Variants in SH3KBP1 observed in about 807,000 individuals in gnomAD.
SH3KBP1 encodes SH3 domain containing kinase binding protein 1.
A neutral mutation model predicts 50.1 loss-of-function variants in SH3KBP1; 8 were observed. The ratio of observed to expected loss-of-function variants is 0.16; its 90% CI spans 0.09 to 0.29. The LOEUF is 0.29. Among genes scored for constraint, SH3KBP1 ranks in the 10% least tolerant of loss-of-function variants. The probability of loss-of-function intolerance (pLI) is 1.00; values close to 1 mark genes in which losing one functional copy is unlikely to be tolerated. For missense variants in SH3KBP1, 377 were observed against 535.2 expected (o/e 0.70, Z 2.92); for synonymous variants, 227 against 218.6 (o/e 1.04, Z -0.34).
In SH3KBP1 at chrX:19,588,275, C is replaced by T. The variant is rs1012671892; in HGVS notation, c.1298+368G>A. ...CACATGAGATATACATACTTGAGGC[C>T]GGCACAACATCCAGGGGGACAAAGA... On this transcript the variant is annotated intron_variant, in intron 12 of 17. Coordinates refer to ENST00000397821, the MANE Select transcript of SH3KBP1 (RefSeq NM_031892.3). 4.7e-5 allele frequency: 46 copies of T among 980,906 alleles called. No individual in the cohort carries two copies. The Middle Eastern group carries it at 1.2e-3, about 25-fold the overall frequency. 80.8% of individuals were successfully genotyped at this position (980,906 alleles called of 1,213,427 possible).
intron 13 of SH3KBP1, among the ~76,000 whole-genome samples, chrX:19,562,263 C>T (rs1040910753): frequency 2.7e-5 from 3 of 111,692 alleles, no homozygotes; most frequent in Non-Finnish European, 5.6e-5. Flanking sequence ...GTAGACTGTA[C>T]ATTCCTCTGG....
chrX:19,827,133 C>T (rs990368473), intron 2 of SH3KBP1, among the ~76,000 whole-genome samples: 6 of 111,704 alleles, frequency 5.4e-5, no homozygotes, highest in Non-Finnish European at 1.9e-5. Flanking sequence ...TCTAAAACAC[C>T]TAGCAAATGA....
chrX:19,684,354 T>C (rs760324173), intron 5 of SH3KBP1, among the ~76,000 whole-genome samples: 2 of 112,038 alleles, frequency 1.8e-5, no homozygotes, highest in Non-Finnish European at 3.8e-5. Flanking sequence ...TCCCATAGCC[T>C]GTGCAATAGC....
At chrX:19,841,820 T>C (rs955239572) in intron 1 of SH3KBP1, among the ~76,000 whole-genome samples, 1 of 100,493 alleles carries the variant, frequency 1.0e-5, no homozygotes, top group Non-Finnish European at 2.0e-5. Flanking sequence ...TCTCCTAAAT[T>C]ATGGTCCACT....
At position 19,786,570 on chromosome X, in the gene SH3KBP1, G is replaced by T. The variant is rs757450026; in HGVS notation, c.163-40129C>A. 2.6e-4 allele frequency among the ~76,000 whole-genome samples: 29 copies of T among 111,694 alleles called. 1 individual carries two copies. The highest frequency in any genetic ancestry group is 5.1e-4 in the Non-Finnish European group (27 of 53,085). ...AGGCAAAGCACTAAGTCAATTTAAG[G>T]GTAGCAACAGTGTGACCAAATACTA... On this transcript the variant is annotated intron_variant, in intron 2 of 17. Transcript: ENST00000397821.
intron 3 of SH3KBP1, among the ~76,000 whole-genome samples, chrX:19,734,755 C>T (rs1435295942): frequency 8.9e-6 from 1 of 112,070 alleles, no homozygotes; most frequent in Non-Finnish European, 1.9e-5. Flanking sequence ...TTATTCCGCA[C>T]GTTCATATCA....
At chrX:19,778,896 C>T (rs183097380) in intron 2 of SH3KBP1, among the ~76,000 whole-genome samples, 56 of 110,024 alleles carry the variant, frequency 5.1e-4, no homozygotes, top group Admixed American at 1.4e-3. Flanking sequence ...TCTATTTCAC[C>T]GCTGCTCAGT....
At chrX:19,721,894 C>T (rs1452080194) in intron 3 of SH3KBP1, among the ~76,000 whole-genome samples, 2 of 110,618 alleles carry the variant, frequency 1.8e-5, no homozygotes, top group South Asian at 3.8e-4. Context: ...CTCAGCTACC[C>T]GGGAAGCTGA....
chrX:19,660,109 A>C (rs960253917), intron 6 of SH3KBP1, among the ~76,000 whole-genome samples: 2 of 112,691 alleles, frequency 1.8e-5, no homozygotes, highest in African/African-American at 6.5e-5. Flanking sequence ...TGCCACTTTC[A>C]GCACCTAGTG....
rs186886796 is a variant in SH3KBP1, at chrX:19,621,310, C to T, written c.897+10554G>A. On this transcript the variant is annotated intron_variant, in intron 8 of 17. Coordinates refer to ENST00000397821, the MANE Select transcript of SH3KBP1 (RefSeq NM_031892.3). ...TTCACCATGTTAGCCAGGATGGTCT[C>T]GATCTCCTGACCTCGTGATCCGCCC... 4.7e-4 allele frequency among the ~76,000 whole-genome samples: 48 copies of T among 101,700 alleles called. No individual in the cohort carries two copies. The East Asian group carries it at 8.9e-3, about 19-fold the overall frequency. 88.3% of individuals were successfully genotyped at this position (101,700 alleles called of 115,157 possible).
At chrX:19,661,687 C>T (rs1435119878) in intron 6 of SH3KBP1, among the ~76,000 whole-genome samples, 4 of 96,699 alleles carry the variant, frequency 4.1e-5, no homozygotes, top group African/African-American at 1.6e-4. Flanking sequence ...AGTGCAGTGG[C>T]GCAATCTCGG....
Position 19,668,955 on chromosome X carries a change from TATATATATATATATA to T in SH3KBP1, c.726+14853_726+14867del, listed in dbSNP as rs1197320402. ...AGGGTAATATATATATATATATATA[TATATATATATATATA>T]TATATTTTTTGAGACAGGCTGTCAC... On this transcript the variant is annotated intron_variant, in intron 6 of 17. Coordinates refer to ENST00000397821, the MANE Select transcript of SH3KBP1 (RefSeq NM_031892.3). Among the ~76,000 whole-genome samples the T allele has an allele frequency of 2.2e-4, 17 of 78,598 alleles. 1 individual carries two copies. Among genetic ancestry groups the T allele is most frequent in the Admixed American group, 4.4e-4 (3 of 6,755 alleles). The allele number at this position is 78,598 out of a possible 115,157, so 68.3% of individuals were successfully genotyped here. A position where few individuals can be genotyped will look rare whatever the true frequency, so the allele number is the denominator to read the frequency against.
chrX:19,628,942 C>T (rs754627214), intron 8 of SH3KBP1, among the ~76,000 whole-genome samples: 1 of 110,691 alleles, frequency 9.0e-6, no homozygotes, highest in South Asian at 3.9e-4. Flanking sequence ...ACTAGAAATA[C>T]AAAAATTAGC....
chrX:19,839,904 T>G (rs191599225), intron 1 of SH3KBP1, among the ~76,000 whole-genome samples: 45 of 112,324 alleles, frequency 4.0e-4, no homozygotes, highest in Non-Finnish European at 6.8e-4. Flanking sequence ...TCAGCTTGCA[T>G]TTTATGATGA....
intron 3 of SH3KBP1, among the ~76,000 whole-genome samples, chrX:19,726,155 C>A (rs989277866): frequency 9.0e-6 from 1 of 111,204 alleles, no homozygotes; most frequent in Non-Finnish European, 1.9e-5. Flanking sequence ...AGGAGTAGAG[C>A]GGGAGTGGGA....
At chrX:19,560,391 A>C (rs947780576) in intron 13 of SH3KBP1, among the ~76,000 whole-genome samples, 1 of 112,175 alleles carries the variant, frequency 8.9e-6, no homozygotes, top group Non-Finnish European at 1.9e-5. Flanking sequence ...AATGTCTAGA[A>C]AACTCAGCTA....
chrX:19,801,509 G>A (rs947110952), intron 2 of SH3KBP1, among the ~76,000 whole-genome samples: 3 of 111,975 alleles, frequency 2.7e-5, no homozygotes, highest in African/African-American at 9.7e-5. Context: ...TTTATAATTT[G>A]GGAGACTCCT....
At chrX:19,714,356 T>C (rs1244493058) in intron 3 of SH3KBP1, among the ~76,000 whole-genome samples, 1 of 112,122 alleles carries the variant, frequency 8.9e-6, no homozygotes, top group East Asian at 2.8e-4. Flanking sequence ...ATAATTGGAT[T>C]GTTAGTAACA....
chrX:19,603,317 G>T lies in SH3KBP1; in HGVS notation c.1005+4621C>A, dbSNP rs950852917. On this transcript the variant is annotated intron_variant, in intron 9 of 17. Transcript: ENST00000397821. ...ATAAACGTGGCTTCTGGTGGAACCC[G>T]GCTTCTAAGGAATCAGACCCATAGG... 8.9e-5 allele frequency among the ~76,000 whole-genome samples: 10 copies of T among 112,366 alleles called. No individual in the cohort carries two copies. In the South Asian group the frequency reaches 3.0e-3, roughly 33 times the overall value.
Sources: allele counts gnomAD v4.1 joint callset (sites outside exome capture counted in the v4.1 genomes callset), GRCh38; gene constraint gnomAD v4.1.1; transcripts MANE v1.5; gene names NCBI Gene and HGNC (gene_info 2026-07-23, HGNC 2026-07-21).